ORC1: variants seen among roughly 807,000 people sequenced by gnomAD.
ORC1 encodes the protein origin recognition complex, subunit 1 homolog.
Under a neutral mutation model 98.9 loss-of-function variants are expected in ORC1, and 61 were observed. The ratio of observed to expected loss-of-function variants is 0.62; its 90% confidence interval spans 0.50 to 0.76. The LOEUF is 0.76. Among genes scored for constraint, ORC1 ranks in the 30% least tolerant of loss-of-function variants. The probability of loss-of-function intolerance (pLI) is 0.00; values close to 1 mark genes in which losing one functional copy is unlikely to be tolerated. For missense variants in ORC1, 979 were observed against 1,072.2 expected (o/e 0.91, Z 1.21); for synonymous variants, 385 against 406.9 (o/e 0.95, Z 0.65).
intron 3 of ORC1, among the ~76,000 whole-genome samples, chr1:52,399,572 C>A (rs1312838812): frequency 7.0e-6 from 1 of 141,932 alleles, no homozygotes; most frequent in Non-Finnish European, 1.5e-5. Flanking sequence ...TGCAGTGAGC[C>A]GAGATGGCGC....
Position 52,385,936 on chromosome 1 carries a change from G to GT in ORC1, c.1396dup (p.Thr466AsnfsTer11). On this transcript the variant is annotated frameshift_variant, in exon 9 of 17. Transcript: ENST00000371568. LOFTEE classifies it high-confidence loss of function. ...GATCTGAGGAGCGGCACAACGTGGC[G>GT]TTCTAGGCTTGAGCTGTATTGAAAA... 6.2e-7 allele frequency: 1 copy of GT among 1,613,250 alleles called. No individual in the cohort carries two copies. Among genetic ancestry groups the GT allele is most frequent in the Admixed American group, 1.7e-5 (1 of 59,994 alleles).
chr1:52,407,197 T>G (rs1350997655), upstream of ORC1, among the ~76,000 whole-genome samples: 1 of 152,138 alleles, frequency 6.6e-6, no homozygotes, highest in Non-Finnish European at 1.5e-5. Context: ...TTTTGTATTT[T>G]TACTAGAGAC....
the ORC1 span, chr1:52,409,468 G>C: frequency 6.6e-6 from 1 of 152,154 alleles, no homozygotes; most frequent in African/African-American, 2.4e-5. Context: ...GTAATTAGCA[G>C]GGTGTGGAGG....
intron 4 of ORC1, among the ~76,000 whole-genome samples, chr1:52,397,008 C>T (rs1647436099): frequency 6.6e-6 from 1 of 152,210 alleles, no homozygotes; most frequent in East Asian, 1.9e-4. Context: ...TGCCTCTCCG[C>T]GTATACTCAT....
In ORC1 at chr1:52,384,628, A is replaced by G; in HGVS notation, c.1677T>C (p.Asp559=). 1 of 1,614,084 alleles carries G rather than the reference A, an allele frequency of 6.2e-7. No homozygotes were observed. Among genetic ancestry groups the G allele is most frequent in the Non-Finnish European group, 8.5e-7 (1 of 1,179,942 alleles). ...RCLQQAAQAN[D]VPPFQYIEVN... ...CCTCAATGTATTGAAAGGGAGGAAC[A>G]TCATTGGCTTGGGCTGCCTGCTGCA... Residue 559 remains aspartate (D), a synonymous_variant, in exon 11 of 17, where the codon GAT becomes GAC. Transcript: ENST00000371568.
upstream of ORC1, chr1:52,404,809 G>C: frequency 1.2e-6 from 2 of 1,614,204 alleles, no homozygotes; most frequent in Non-Finnish European, 1.7e-6. Flanking sequence ...CTCAATATCT[G>C]GTGGAGAAGA....
Position 52,393,769 on chromosome 1 carries a change from T to C in ORC1, c.756A>G (p.Ser252=), listed in dbSNP as rs186425745. Residue 252 remains serine, a synonymous_variant, in exon 6 of 17, where the codon TCA becomes TCG. Transcript: ENST00000371568. ...TTCCTGGAGAATCCAAGGAGGCACA[T>C]GAAGTCTGCTGGGACATCTGAGGGT... ...LGNPQMSQQT[S]CASLDSPGRI... 13 of 1,613,954 alleles carry C rather than the reference T, an allele frequency of 8.1e-6. No individual in the cohort carries two copies. Among genetic ancestry groups the C allele is most frequent in the African/African-American group, 2.7e-5 (2 of 75,052 alleles).
intron 13 of ORC1, among the ~76,000 whole-genome samples, chr1:52,383,101 G>A (rs1312844369): frequency 1.4e-5 from 2 of 147,928 alleles, no homozygotes; most frequent in Middle Eastern, 3.6e-3. Context: ...ATGGACTCTT[G>A]CTTCGTTGCC....
upstream of ORC1, chr1:52,404,722 A>G: frequency 6.2e-7 from 1 of 1,608,312 alleles, no homozygotes; most frequent in Non-Finnish European, 8.5e-7. Flanking sequence ...AAAGGATCCG[A>G]CGGAAATAGA....
chr1:52,388,383 G>A, intron 8 of ORC1, 59 bp downstream of exon 8: 5 of 1,394,378 alleles, frequency 3.6e-6, no homozygotes, highest in Non-Finnish European at 5.1e-6. Flanking sequence ...TTCAGCATTT[G>A]TAACTTTTAA....
Position 52,381,638 on chromosome 1 carries a change from T to A in ORC1, c.2133+4A>T. 5 of 1,612,138 alleles carry A rather than the reference T, an allele frequency of 3.1e-6. No individual in the cohort carries two copies. Among genetic ancestry groups the A allele is most frequent in the Non-Finnish European group, 3.4e-6 (4 of 1,179,548 alleles). ...CTGATTTATGGGTGCAGCTGGTGAC[T>A]TACCTTCCTGGCTACCAGCTGGATG... is the stretch of plus-strand genomic sequence containing the variant. On this transcript the variant is annotated splice_donor_region_variant and intron_variant, in intron 14 of 16. Coordinates refer to ENST00000371568, the MANE Select transcript of ORC1 (RefSeq NM_004153.4).
At position 52,393,514 on chromosome 1, in the gene ORC1, G is replaced by T. The variant is rs767252262; in HGVS notation, c.1011C>A (p.Thr337=). 1.2e-6 allele frequency: 2 copies of T among 1,614,104 alleles called. No individual in the cohort carries two copies. Among genetic ancestry groups the T allele is most frequent in the East Asian group, 2.2e-5 (1 of 44,886 alleles). The change falls in exon 6 of 17, where the codon ACC becomes ACA. Residue 337 remains threonine, a synonymous_variant. Coordinates refer to ENST00000371568, the MANE Select transcript of ORC1 (RefSeq NM_004153.4). ...TIDIREERTL[T]PISGGQRSSV... The stretch of plus-strand genomic sequence containing the variant: ...AAGATCTCTGTCCCCCACTGATAGG[G>T]GTAAGTGTTCTCTCCTCTCTAATGT...
At chr1:52,374,586 GTGTC>G (rs1433042152) in intron 16 of ORC1, among the ~76,000 whole-genome samples, 4 of 152,218 alleles carry the variant, frequency 2.6e-5, no homozygotes, top group African/African-American at 9.7e-5. Context: ...TCTTTGAACA[GTGTC>G]TGGCACACAG....
rs947925495 is a variant in ORC1 at position 52,373,084 on chromosome 1, A to G, written c.*97T>C. 8.0e-7 allele frequency: 1 copy of G among 1,256,232 alleles called. No individual in the cohort carries two copies. Among genetic ancestry groups the G allele is most frequent in the Non-Finnish European group, 1.2e-6 (1 of 857,862 alleles). 77.8% of individuals were successfully genotyped at this position (1,256,232 alleles called of 1,614,324 possible). ...GAAGTCAAGGCTGCAGTGAGCCATG[A>G]TCGTGCCACTGCACTCCAGCCTGGG... On this transcript the variant is annotated 3_prime_UTR_variant, in exon 17 of 17. Transcript: ENST00000371568.
intron 14 of ORC1, among the ~76,000 whole-genome samples, chr1:52,376,544 A>T (rs1186121156): frequency 6.6e-6 from 1 of 151,982 alleles, no homozygotes; most frequent in Non-Finnish European, 1.5e-5. Flanking sequence ...CACAAACATG[A>T]CTATCGGCTT....
In ORC1 at chr1:52,385,238, C is replaced by G. The variant is rs2147925676; in HGVS notation, c.1506G>C (p.Glu502Asp). 6.2e-7 allele frequency: 1 copy of G among 1,613,648 alleles called. No individual in the cohort carries two copies. Among genetic ancestry groups the G allele is most frequent in the Middle Eastern group, 1.6e-4 (1 of 6,062 alleles). The change falls in exon 10 of 17, where the codon GAG becomes GAC. Residue 502 changes from glutamate to aspartate, a missense_variant. Coordinates refer to ENST00000371568, the MANE Select transcript of ORC1 (RefSeq NM_004153.4). ...RLRLHVSAVPESLPCREQEFQ... is the reference protein window; with the variant it reads ...RLRLHVSAVPDSLPCREQEFQ... ...ATTCCTGTTCCCGACAGGGAAGAGA[C>G]TCAGGTACAGCAGAAACATGCAGCC...
Position 52,393,579 on chromosome 1 carries a change from T to A in ORC1, c.946A>T (p.Ile316Leu). 6.2e-7 allele frequency: 1 copy of A among 1,614,216 alleles called. No individual in the cohort carries two copies. Among genetic ancestry groups the A allele is most frequent in the Non-Finnish European group, 8.5e-7 (1 of 1,180,030 alleles). Residue 316 changes from isoleucine to leucine, a missense_variant, in exon 6 of 17, where the codon ATA becomes TTA. Physicochemically the swap from Ile to Leu is conservative, Grantham distance 5. Coordinates refer to ENST00000371568, the MANE Select transcript of ORC1 (RefSeq NM_004153.4). ...GCTGCAATTCGGGTTCTCAGGATTA[T>A]GCGATGTTCAGGTGAAGCCTTCTTG... ...DDKKASPEHR[I>L]ILRTRIAASK...
rs387906827 is a variant in ORC1 at position 52,397,821 on chromosome 1, A to G, written c.266T>C (p.Phe89Ser). The G allele has an allele frequency of 4.3e-6, 7 of 1,614,150 alleles. No individual in the cohort carries two copies. Among genetic ancestry groups the G allele is most frequent in the Non-Finnish European group, 5.9e-6 (7 of 1,180,066 alleles). ...PPKKRARVQW[F>S]VRFCEVPACK... The stretch of plus-strand genomic sequence containing the variant: ...GGCAGGGACTTCACAGAATCGGACA[A>G]ACCACTGTACTCGAGCACGTTTCTT... The change falls in exon 4 of 17, where the codon TTT (phenylalanine) becomes TCT (serine). Residue 89 changes from phenylalanine (F) to serine (S), a missense_variant. Physicochemically the swap from Phe to Ser is radical, Grantham distance 155. Transcript: ENST00000371568.
chr1:52,378,623 T>C (rs1261623397), intron 14 of ORC1, among the ~76,000 whole-genome samples: 2 of 148,218 alleles, frequency 1.3e-5, no homozygotes, highest in East Asian at 2.0e-4. Context: ...AAGATTGTGC[T>C]GCTGCACTCC....
Sources: gnomAD v4.1 joint callset for allele counts (sites outside exome capture counted in the v4.1 genomes callset) on GRCh38, gnomAD v4.1.1 for gene constraint, MANE v1.5 for transcripts, NCBI Gene and HGNC (gene_info 2026-07-23, HGNC 2026-07-21) for gene names.